THEMIS: variants seen among roughly 807,000 people sequenced by gnomAD.
The protein encoded by THEMIS is thymocyte selection associated, also known as protein THEMIS.
A neutral mutation model predicts 52.6 loss-of-function variants in THEMIS; 37 were observed. That is an observed-to-expected ratio of 0.70 (90% CI 0.54 to 0.93). The LOEUF (loss-of-function observed/expected upper bound fraction) is 0.93. THEMIS is among the 40% of genes least tolerant of loss of function. The pLI is 0.00. For synonymous variants in THEMIS, 292 were observed against 272.7 expected (o/e 1.07, Z -0.70); for missense variants, 808 against 763.1 (o/e 1.06, Z -0.69).
chr6:127,815,663 TTTAACA>T (rs1360663954), intron 3 of THEMIS, among the ~76,000 whole-genome samples: 1 of 152,206 alleles, frequency 6.6e-6, no homozygotes, highest in Admixed American at 6.5e-5. Flanking sequence ...TGCACTAACT[TTTAACA>T]TTATACCTAC....
intron 4 of THEMIS, among the ~76,000 whole-genome samples, chr6:127,756,676 A>G (rs760868640): frequency 5.9e-5 from 9 of 152,212 alleles, no homozygotes; most frequent in Non-Finnish European, 1.0e-4. Flanking sequence ...TGCAGGTCAA[A>G]TTAATTCCAA....
At chr6:127,725,563 T>G (rs1227848350) in intron 4 of THEMIS, among the ~76,000 whole-genome samples, 1 of 152,120 alleles carries the variant, frequency 6.6e-6, no homozygotes, top group Non-Finnish European at 1.5e-5. Flanking sequence ...AATTCATCAT[T>G]GTGCATTATA....
At chr6:127,790,789 G>A (rs1777130728) in intron 4 of THEMIS, among the ~76,000 whole-genome samples, 6 of 152,194 alleles carry the variant, frequency 3.9e-5, no homozygotes, top group Admixed American at 3.3e-4. Context: ...CAAGCATGGG[G>A]TCCAGCCACT....
chr6:127,824,881 C>A (rs1428930756), intron 3 of THEMIS, among the ~76,000 whole-genome samples: 1 of 152,040 alleles, frequency 6.6e-6, no homozygotes, highest in Non-Finnish European at 1.5e-5. Context: ...GCGGAGATTG[C>A]GCCACTGCAC....
intron 5 of THEMIS, among the ~76,000 whole-genome samples, chr6:127,716,758 A>G (rs922230294): frequency 6.6e-6 from 1 of 151,986 alleles, no homozygotes; most frequent in African/African-American, 2.4e-5. Flanking sequence ...TACTAAAAAT[A>G]GACCTTAAGC....
intron 4 of THEMIS, among the ~76,000 whole-genome samples, chr6:127,802,600 A>G (rs1777572759): frequency 6.6e-6 from 1 of 152,234 alleles, no homozygotes; most frequent in Admixed American, 6.5e-5. Flanking sequence ...AAATTATACA[A>G]ACAGAAAACT....
chr6:127,801,010 GCT>G, intron 4 of THEMIS, among the ~76,000 whole-genome samples: 1 of 152,250 alleles, frequency 6.6e-6, no homozygotes, highest in South Asian at 2.1e-4. Flanking sequence ...TCTGGAGTTG[GCT>G]GCATAATATG....
chr6:127,722,971 A>C (rs934541159), intron 4 of THEMIS, among the ~76,000 whole-genome samples: 1 of 151,950 alleles, frequency 6.6e-6, no homozygotes, highest in African/African-American at 2.4e-5. Context: ...TCATGCTTTC[A>C]GTCCCAAGAT....
rs113774165 is a variant in THEMIS at position 127,714,046 on chromosome 6, C to CA, written c.1895-4031_1895-4030insT. Among the ~76,000 whole-genome samples the CA allele has an allele frequency of 9.9e-4, 150 of 151,902 alleles. 3 individuals are homozygous for CA. The highest frequency in any genetic ancestry group is 4.7e-3 in the East Asian group (24 of 5,142). On this transcript the variant is annotated intron_variant, in intron 5 of 5. Coordinates refer to ENST00000368248, the MANE Select transcript of THEMIS (RefSeq NM_001010923.3). ...CATGGAAAAAAAAATGGGCATATTC[C>CA]GATGTTCTTTGAAGATAAAGCCAAT...
At chr6:127,859,588 T>C (rs1299837428) in intron 1 of THEMIS, among the ~76,000 whole-genome samples, 1 of 152,148 alleles carries the variant, frequency 6.6e-6, no homozygotes, top group Non-Finnish European at 1.5e-5. Flanking sequence ...GTGGTCCTTC[T>C]ACATAAGGAG....
intron 1 of THEMIS, among the ~76,000 whole-genome samples, chr6:127,870,151 T>A (rs866613915): frequency 2.0e-5 from 3 of 152,218 alleles, no homozygotes; most frequent in Admixed American, 1.3e-4. Context: ...TGAGGTGATG[T>A]CAGAGGATCT....
intron 1 of THEMIS, among the ~76,000 whole-genome samples, chr6:127,866,125 T>C (rs966924163): frequency 6.6e-6 from 1 of 152,124 alleles, no homozygotes; most frequent in Non-Finnish European, 1.5e-5. Context: ...ACTTGATTTA[T>C]ACTTTAGATT....
chr6:127,751,620 A>G (rs1403929778), intron 4 of THEMIS, among the ~76,000 whole-genome samples: 2 of 151,830 alleles, frequency 1.3e-5, no homozygotes, highest in East Asian at 3.9e-4. Flanking sequence ...GTGTAAATTT[A>G]TTGAGAGATT....
chr6:127,900,956 G>A lies in THEMIS; in HGVS notation c.-24C>T, dbSNP rs754234358. On this transcript the variant is annotated 5_prime_UTR_variant, in exon 1 of 6. Transcript: ENST00000368248. ...ATTGCTATGCCTTGGGTAGTTTGTA[G>A]ACCTGGTGCTCACAGAAACTTGTGG... 3 of 1,589,706 alleles carry A rather than the reference G, an allele frequency of 1.9e-6. No individual in the cohort carries two copies. Among genetic ancestry groups the A allele is most frequent in the Non-Finnish European group, 2.6e-6 (3 of 1,158,456 alleles).
intron 1 of THEMIS, among the ~76,000 whole-genome samples, chr6:127,856,775 C>T (rs537914160): frequency 3.3e-5 from 5 of 151,914 alleles, no homozygotes; most frequent in African/African-American, 4.8e-5. Flanking sequence ...ATGTTATCAG[C>T]AGGCTCAAGT....
intron 1 of THEMIS, among the ~76,000 whole-genome samples, chr6:127,879,999 T>C (rs568754951): frequency 6.6e-6 from 1 of 152,290 alleles, no homozygotes; most frequent in African/African-American, 2.4e-5. Context: ...CATGCCGTTT[T>C]CCTCCATTTT....
intron 4 of THEMIS, among the ~76,000 whole-genome samples, chr6:127,777,862 T>G (rs999246154): frequency 2.6e-5 from 4 of 152,172 alleles, no homozygotes; most frequent in Admixed American, 6.5e-5. Context: ...GGAAAGGCCA[T>G]AGACATCCAG....
intron 4 of THEMIS, among the ~76,000 whole-genome samples, chr6:127,771,331 A>G (rs1776377818): frequency 6.6e-6 from 1 of 152,172 alleles, no homozygotes; most frequent in Non-Finnish European, 1.5e-5. Flanking sequence ...GAAAATGGCC[A>G]TACTGCTCAA....
chr6:127,835,557 G>A (rs909428767), intron 2 of THEMIS, among the ~76,000 whole-genome samples: 5 of 152,156 alleles, frequency 3.3e-5, no homozygotes, highest in African/African-American at 9.7e-5. Flanking sequence ...AAACATAGTG[G>A]TTATTAAGTC....
Sources: gnomAD v4.1 joint callset for allele counts (sites outside exome capture counted in the v4.1 genomes callset) on GRCh38, gnomAD v4.1.1 for gene constraint, MANE v1.5 for transcripts, NCBI Gene and HGNC (gene_info 2026-07-23, HGNC 2026-07-21) for gene names.